Variants in FGF1 observed in about 807,000 individuals in gnomAD.
FGF1 encodes fibroblast growth factor 1.
Under a neutral mutation model 13.4 loss-of-function variants are expected in FGF1, and 9 were observed. The ratio of observed to expected loss-of-function variants is 0.67; its 90% CI spans 0.40 to 1.17. FGF1 has a LOEUF of 1.17. Among genes scored for constraint, FGF1 ranks in the 50% most tolerant of loss-of-function variants. The probability of loss-of-function intolerance (pLI) is 0.01; values close to 1 mark genes in which losing one functional copy is unlikely to be tolerated. For synonymous variants in FGF1, 93 were observed against 79.0 expected, an observed-to-expected ratio of 1.18 and a Z score of -0.94; for missense variants, 156 against 192.7, an observed-to-expected ratio of 0.81 and a Z score of 1.13.
intron 1 of FGF1, among the ~76,000 whole-genome samples, chr5:142,656,482 T>G (rs1768188830): frequency 6.6e-6 from 1 of 152,206 alleles, no homozygotes; most frequent in Admixed American, 6.5e-5. Flanking sequence ...CAAGAAGCCC[T>G]TCAAGGAAAA....
chr5:142,676,870 G>A, intron 1 of FGF1, among the ~76,000 whole-genome samples: 1 of 152,094 alleles, frequency 6.6e-6, no homozygotes, highest in East Asian at 1.9e-4. Flanking sequence ...CTGCATCTCT[G>A]CCATTTAGAA....
At chr5:142,662,258 A>G (rs925320330) in intron 1 of FGF1, among the ~76,000 whole-genome samples, 1 of 152,232 alleles carries the variant, frequency 6.6e-6, no homozygotes, top group Non-Finnish European at 1.5e-5. Context: ...GACGAACTGT[A>G]TAATTGTGAA....
upstream of FGF1, among the ~76,000 whole-genome samples, chr5:142,686,701 C>T (rs1751291660): frequency 6.6e-6 from 1 of 152,074 alleles, no homozygotes; most frequent in Non-Finnish European, 1.5e-5. Flanking sequence ...CTGTCTGTGC[C>T]ATCCCCAGAG....
intron 2 of FGF1, among the ~76,000 whole-genome samples, chr5:142,602,449 A>G (rs1038786882): frequency 1.2e-4 from 18 of 152,136 alleles, no homozygotes; most frequent in Non-Finnish European, 2.2e-4. Flanking sequence ...TGCTGGGATT[A>G]CAGGTGTGAG....
intron 1 of FGF1, among the ~76,000 whole-genome samples, chr5:142,651,919 T>G (rs964387941): frequency 6.6e-6 from 1 of 150,758 alleles, no homozygotes; most frequent in Non-Finnish European, 1.5e-5. Flanking sequence ...AGTACAGGGG[T>G]AATAGGTGGC....
At chr5:142,636,273 A>G (rs1330412936) in intron 1 of FGF1, among the ~76,000 whole-genome samples, 3 of 152,266 alleles carry the variant, frequency 2.0e-5, no homozygotes, top group African/African-American at 7.2e-5. Context: ...GAACTGAGCC[A>G]GAAACCGGAT....
chr5:142,682,594 G>A (rs1256039684), intron 1 of FGF1, among the ~76,000 whole-genome samples: 1 of 152,146 alleles, frequency 6.6e-6, no homozygotes, highest in Non-Finnish European at 1.5e-5. Flanking sequence ...TTGGATCCCA[G>A]GCAGCCCAGC....
intron 1 of FGF1, among the ~76,000 whole-genome samples, chr5:142,651,583 C>G (rs571349875): frequency 6.6e-6 from 1 of 152,276 alleles, no homozygotes; most frequent in African/African-American, 2.4e-5. Context: ...TGACGTATAT[C>G]TACCATTATC....
At chr5:142,606,547 C>T (rs2237073) in intron 2 of FGF1, among the ~76,000 whole-genome samples, 1,662 of 152,056 alleles carry the variant, frequency 0.011, 22 homozygotes, top group East Asian at 0.069. Flanking sequence ...TGCTTGAACC[C>T]GGGAGAAGGA....
intron 1 of FGF1, among the ~76,000 whole-genome samples, chr5:142,673,042 G>A (rs1480519272): frequency 1.3e-5 from 2 of 152,140 alleles, no homozygotes; most frequent in African/African-American, 4.8e-5. Flanking sequence ...ACAGATAATA[G>A]CTATTGTTAT....
At position 142,595,361 on chromosome 5, in the gene FGF1, T is replaced by C. The variant is rs754388820; in HGVS notation, c.397A>G (p.Lys133Glu). ...CCATAGTGAGTCCGAGGACCGCGTT[T>C]GCAGCTCCCATTCTTCTTGAGGCCA... is the stretch of plus-strand genomic sequence containing the variant. Reference protein sequence around the residue: ...FVGLKKNGSCKRGPRTHYGQK... With the variant: ...FVGLKKNGSCERGPRTHYGQK... The change falls in exon 4 of 4, where the codon AAA becomes GAA. Residue 133 changes from lysine (K) to glutamate (E), a missense_variant. Coordinates refer to ENST00000337706, the MANE Select transcript of FGF1 (RefSeq NM_000800.5). 1.9e-6 allele frequency: 3 copies of C among 1,614,130 alleles called. No homozygotes were observed. Among genetic ancestry groups the C allele is most frequent in the Non-Finnish European group, 2.5e-6 (3 of 1,179,968 alleles).
chr5:142,679,953 G>A (rs910680738), intron 1 of FGF1: 1 of 152,250 alleles, frequency 6.6e-6, no homozygotes, highest in African/African-American at 2.4e-5. Context: ...CCAAGATCAA[G>A]GTGTCAGCAG....
chr5:142,608,989 T>TC (rs1250071475), intron 2 of FGF1, among the ~76,000 whole-genome samples: 4 of 151,990 alleles, frequency 2.6e-5, no homozygotes, highest in Non-Finnish European at 5.9e-5. Context: ...GGTCCAGCTC[T>TC]CCCCATCGTG....
chr5:142,681,271 T>C (rs2152051008), intron 1 of FGF1, among the ~76,000 whole-genome samples: 1 of 152,352 alleles, frequency 6.6e-6, no homozygotes, highest in East Asian at 1.9e-4. Flanking sequence ...TGTACTGTGC[T>C]CAGATACTTA....
intron 2 of FGF1, among the ~76,000 whole-genome samples, chr5:142,611,020 G>T (rs1758925272): frequency 6.6e-6 from 1 of 152,260 alleles, no homozygotes; most frequent in African/African-American, 2.4e-5. Flanking sequence ...TAAATTTTTC[G>T]ATTGGCTTTT....
rs532571377 is a variant in FGF1 at position 142,628,527 on chromosome 5, G to A, written c.-34-14366C>T. On this transcript the variant is annotated intron_variant, in intron 1 of 3. Coordinates refer to ENST00000337706, the MANE Select transcript of FGF1 (RefSeq NM_000800.5). ...TCCGTCTCAAAATCATGAGGCTAGA[G>A]ATAGTTGCCAATAACTATGTCAGTA... Among the ~76,000 whole-genome samples, 16 of 152,316 alleles carry A rather than the reference G, an allele frequency of 1.1e-4. No individual in the cohort carries two copies. The South Asian group carries it at 2.3e-3, about 22-fold the overall frequency.
At chr5:142,652,215 T>G (rs1013095781) in intron 1 of FGF1, among the ~76,000 whole-genome samples, 6 of 152,230 alleles carry the variant, frequency 3.9e-5, no homozygotes, top group Non-Finnish European at 7.3e-5. Flanking sequence ...CTGGGAAGGT[T>G]CTTAACAGTG....
intron 1 of FGF1, among the ~76,000 whole-genome samples, chr5:142,673,919 A>G (rs889358352): frequency 7.2e-5 from 11 of 152,154 alleles, no homozygotes; most frequent in Non-Finnish European, 1.2e-4. Flanking sequence ...GCCCTGCATG[A>G]GGTCTTTGCA....
chr5:142,611,687 T>G (rs1023518269), intron 2 of FGF1, among the ~76,000 whole-genome samples: 8 of 152,084 alleles, frequency 5.3e-5, no homozygotes, highest in African/African-American at 1.7e-4. Context: ...CCCCACTTAC[T>G]CTGATCTCTG....
Sources: gnomAD v4.1 joint callset for allele counts (sites outside exome capture counted in the v4.1 genomes callset) on GRCh38, gnomAD v4.1.1 for gene constraint, MANE v1.5 for transcripts, NCBI Gene and HGNC (gene_info 2026-07-23, HGNC 2026-07-21) for gene names.